The following DCANP1 variants were observed in gnomAD, a reference collection of about 807,000 sequenced individuals.
DCANP1 encodes the protein dendritic cell nuclear protein 1.
For synonymous variants in DCANP1, 139 were observed against 124.2 expected (o/e 1.12, Z -0.79); for missense variants, 328 against 293.7 (o/e 1.12, Z -0.85).
rs1283382524 is a variant in DCANP1, at chr5:135,446,684, G to C, written c.425C>G (p.Thr142Arg). The part of the protein sequence containing the change: ...LVCSFRLYPF[T>R]VHTVSPGNSH... Reference sequence around the variant, plus strand: ...GTTTCCCGGTGAGACTGTGTGAACTGTGAACGGGTAGAGTCTGAAACTACA... The same window carrying C: ...GTTTCCCGGTGAGACTGTGTGAACTCTGAACGGGTAGAGTCTGAAACTACA... The change falls in exon 1 of 1, where the codon ACA becomes AGA. Residue 142 changes from threonine to arginine, a missense_variant. Coordinates refer to ENST00000503143, the MANE Select transcript of DCANP1 (RefSeq NM_130848.3). The C allele has an allele frequency of 1.9e-6, 3 of 1,613,834 alleles. No homozygotes were observed. Among genetic ancestry groups the C allele is most frequent in the Non-Finnish European group, 1.7e-6 (2 of 1,179,812 alleles).
chr5:135,444,634 C>T lies in DCANP1; in HGVS notation c.*1740G>A, dbSNP rs1769222742. ...AGGTCGCAATGCGCTGTCCCCACCA[C>T]ATGGAGCTTGCTTGCCTCCGCACCT... On this transcript the variant is annotated 3_prime_UTR_variant, in exon 1 of 1. Transcript: ENST00000503143. 1 of 152,272 alleles carries T rather than the reference C, an allele frequency of 6.6e-6. No individual in the cohort carries two copies. The highest frequency in any genetic ancestry group is 2.4e-5 in the African/African-American group (1 of 41,454). The allele number at this position is 152,272 out of a possible 1,614,324, so 9.4% of individuals were successfully genotyped here. A position where few individuals can be genotyped will look rare whatever the true frequency, so the allele number is the denominator to read the frequency against.
At position 135,446,370 on chromosome 5, in the gene DCANP1, A is replaced by G. The variant is rs367644701; in HGVS notation, c.*4T>C. ...TACTTGCGTGTGTGCACACGCACAC[A>G]TGTTCACTCAGGCACGTGGGCTGCC... On this transcript the variant is annotated 3_prime_UTR_variant, in exon 1 of 1. Transcript: ENST00000503143. 1.2e-4 allele frequency: 195 copies of G among 1,594,324 alleles called. No homozygotes were observed. Among genetic ancestry groups the G allele is most frequent in the Non-Finnish European group, 1.5e-4 (174 of 1,167,794 alleles).
the DCANP1 span, chr5:135,446,557 C>T: frequency 5.6e-6 from 9 of 1,613,902 alleles, no homozygotes; most frequent in Admixed American, 1.7e-5. Context: ...AAGGTGGGTG[C>T]CATGGATCTG....
Position 135,447,022 on chromosome 5 carries a change from T to C in DCANP1, c.87A>G (p.Gly29=), listed in dbSNP as rs757401477. 12 of 1,613,784 alleles carry C rather than the reference T, an allele frequency of 7.4e-6. No individual in the cohort carries two copies. Among genetic ancestry groups the C allele is most frequent in the Non-Finnish European group, 1.0e-5 (12 of 1,179,862 alleles). The change falls in exon 1 of 1, where the codon GGA becomes GGG. Residue 29 remains glycine (G), a synonymous_variant. Coordinates refer to ENST00000503143, the MANE Select transcript of DCANP1 (RefSeq NM_130848.3). The part of the protein sequence containing the change: ...TVPGHQRLER[G]AGGETPEFPG... Reference sequence around the variant, plus strand: ...GGAACTCTGGGGTTTCCCCACCAGCTCCTCTCTCCAGTCTTTGGTGTCCAG... The same window carrying C: ...GGAACTCTGGGGTTTCCCCACCAGCCCCTCTCTCCAGTCTTTGGTGTCCAG...
Position 135,444,304 on chromosome 5 carries a change from G to A in DCANP1, c.*2070C>T, listed in dbSNP as rs566890933. 15 of 152,318 alleles carry A rather than the reference G, an allele frequency of 9.8e-5. No homozygotes were observed. In the East Asian group the frequency reaches 2.7e-3, roughly 27 times the overall value. The allele number at this position is 152,318 out of a possible 1,614,324, so 9.4% of individuals were successfully genotyped here. A position where few individuals can be genotyped will look rare whatever the true frequency, so the allele number is the denominator to read the frequency against. On this transcript the variant is annotated 3_prime_UTR_variant, in exon 1 of 1. Coordinates refer to ENST00000503143, the MANE Select transcript of DCANP1 (RefSeq NM_130848.3). ...ATCACAGCCCTGCAATTCAAATAGG[G>A]TTCATTAAATTCGGCATCTCCTCTT...
Position 135,445,459 on chromosome 5 carries a change from T to C in DCANP1, c.*915A>G, listed in dbSNP as rs1256332932. ...GGCCTTCTCACCCCAGCTGGCCAAC[T>C]GGCTTCCCACCACTATGGGCCTCGC... On this transcript the variant is annotated 3_prime_UTR_variant, in exon 1 of 1. Transcript: ENST00000503143. The C allele has an allele frequency of 1.3e-5, 2 of 152,594 alleles. No homozygotes were observed. Among genetic ancestry groups the C allele is most frequent in the African/African-American group, 4.8e-5 (2 of 41,452 alleles). 9.5% of individuals were successfully genotyped at this position (152,594 alleles called of 1,614,324 possible).
In DCANP1 at chr5:135,446,022, G is replaced by C; in HGVS notation, c.*352C>G. The C allele has an allele frequency of 4.9e-6, 1 of 202,262 alleles. No individual in the cohort carries two copies. The highest frequency in any genetic ancestry group is 1.1e-4 in the South Asian group (1 of 8,948). 12.5% of individuals were successfully genotyped at this position (202,262 alleles called of 1,614,324 possible). A position where few individuals can be genotyped will look rare whatever the true frequency, so the allele number is the denominator to read the frequency against. On this transcript the variant is annotated 3_prime_UTR_variant, in exon 1 of 1. Coordinates refer to ENST00000503143, the MANE Select transcript of DCANP1 (RefSeq NM_130848.3). ...GCCTGAGTGTAGACTGGGTCCATGT[G>C]CCTACATGCATTCAGTTCCTCCCAC...
chr5:135,447,249 G>A lies in DCANP1; in HGVS notation c.-141C>T. ...TGCCTATTGGACCTTCTGATGCAAGGAGCAGATTAAAATCCCCTCCCTGTT... is the reference window on the plus strand; with the variant it reads ...TGCCTATTGGACCTTCTGATGCAAGAAGCAGATTAAAATCCCCTCCCTGTT... On this transcript the variant is annotated 5_prime_UTR_variant, in exon 1 of 1. Coordinates refer to ENST00000503143, the MANE Select transcript of DCANP1 (RefSeq NM_130848.3). 1 of 1,029,160 alleles carries A rather than the reference G, an allele frequency of 9.7e-7. No individual in the cohort carries two copies. Among genetic ancestry groups the A allele is most frequent in the Non-Finnish European group, 1.4e-6 (1 of 706,180 alleles). The allele number at this position is 1,029,160 out of a possible 1,614,324, so 63.8% of individuals were successfully genotyped here. A position where few individuals can be genotyped will look rare whatever the true frequency, so the allele number is the denominator to read the frequency against.
chr5:135,446,893 C>G lies in DCANP1; in HGVS notation c.216G>C (p.Arg72Ser), dbSNP rs1233979646. Reference protein sequence around the residue: ...GLSEGLYPPGRNKTLPAGVLR... With the variant: ...GLSEGLYPPGSNKTLPAGVLR... The stretch of plus-strand genomic sequence containing the variant: ...GGACCCCAGCTGGCAAGGTTTTGTT[C>G]CTCCCTGGAGGGTAGAGACCCTCAC... Residue 72 changes from arginine to serine, a missense_variant, in exon 1 of 1, where the codon AGG (arginine) becomes AGC (serine). By Grantham distance (110) the Arg-to-Ser change is moderately radical. Transcript: ENST00000503143. 6.2e-7 allele frequency: 1 copy of G among 1,613,560 alleles called. No homozygotes were observed. Among genetic ancestry groups the G allele is most frequent in the Non-Finnish European group, 8.5e-7 (1 of 1,179,668 alleles).
rs2150032336 is a variant in DCANP1, at chr5:135,446,869, G to A, written c.240C>T (p.Val80=). 1 of 1,613,874 alleles carries A rather than the reference G, an allele frequency of 6.2e-7. No individual in the cohort carries two copies. The highest frequency in any genetic ancestry group is 1.3e-5 in the African/African-American group (1 of 75,050). ...GGAATTGAACTGCCCCCTCTCGCAG[G>A]ACCCCAGCTGGCAAGGTTTTGTTCC... is the stretch of plus-strand genomic sequence containing the variant. ...PGRNKTLPAG[V]LREGAVQFLH... Residue 80 remains valine, a synonymous_variant, in exon 1 of 1, where the codon GTC becomes GTT. Coordinates refer to ENST00000503143, the MANE Select transcript of DCANP1 (RefSeq NM_130848.3).
At position 135,446,836 on chromosome 5, in the gene DCANP1, C is replaced by T; in HGVS notation, c.273G>A (p.Arg91=). Residue 91 remains arginine (R), a synonymous_variant, in exon 1 of 1, where the codon AGG becomes AGA. Transcript: ENST00000503143. ...LREGAVQFLH[R]GLCNSNLSSE... is the part of the protein sequence containing the mutation. The stretch of plus-strand genomic sequence containing the variant: ...TCGAAAGATTGGAGTTGCAGAGTCC[C>T]CTGTGGAGGAATTGAACTGCCCCCT... 6.2e-7 allele frequency: 1 copy of T among 1,613,932 alleles called. No individual in the cohort carries two copies. The highest frequency in any genetic ancestry group is 8.5e-7 in the Non-Finnish European group (1 of 1,179,848).
chr5:135,446,030 G>T lies in DCANP1; in HGVS notation c.*344C>A. 4.9e-6 allele frequency: 1 copy of T among 203,210 alleles called. No homozygotes were observed. Among genetic ancestry groups the T allele is most frequent in the South Asian group, 1.1e-4 (1 of 8,864 alleles). 12.6% of individuals were successfully genotyped at this position (203,210 alleles called of 1,614,324 possible). On this transcript the variant is annotated 3_prime_UTR_variant, in exon 1 of 1. Coordinates refer to ENST00000503143, the MANE Select transcript of DCANP1 (RefSeq NM_130848.3). ...GTAGACTGGGTCCATGTGCCTACAT[G>T]CATTCAGTTCCTCCCACCAAACTGG...
Position 135,446,554 on chromosome 5 carries a change from G to T in DCANP1, c.555C>A (p.His185Gln), listed in dbSNP as rs758409770. ...RKSLKSSDPW[H>Q]PPSLSPNSWN... ...AGCTGTTAGGAGAAAGTGAAGGTGG[G>T]TGCCATGGATCTGATGATTTCAGTG... is the stretch of plus-strand genomic sequence containing the variant. Residue 185 changes from histidine (H) to glutamine (Q), a missense_variant, in exon 1 of 1, where the codon CAC becomes CAA. Coordinates refer to ENST00000503143, the MANE Select transcript of DCANP1 (RefSeq NM_130848.3). 3 of 1,613,880 alleles carry T rather than the reference G, an allele frequency of 1.9e-6. No homozygotes were observed. The highest frequency in any genetic ancestry group is 1.7e-5 in the Admixed American group (1 of 60,002).
At position 135,444,714 on chromosome 5, in the gene DCANP1, T is replaced by A. The variant is rs1421439679; in HGVS notation, c.*1660A>T. ...GGGCGGTTGTGGAAAGAATCGGTTC[T>A]CAGTTCCCATTCCAGCTCTGCTATT... On this transcript the variant is annotated 3_prime_UTR_variant, in exon 1 of 1. Transcript: ENST00000503143. 2 of 152,288 alleles carry A rather than the reference T, an allele frequency of 1.3e-5. No individual in the cohort carries two copies. The highest frequency in any genetic ancestry group is 4.8e-5 in the African/African-American group (2 of 41,466). 9.4% of individuals were successfully genotyped at this position (152,288 alleles called of 1,614,324 possible). A position where few individuals can be genotyped will look rare whatever the true frequency, so the allele number is the denominator to read the frequency against.
In DCANP1 at chr5:135,445,358, G is replaced by T. The variant is rs748650155; in HGVS notation, c.*1016C>A. ...AGGGTCTGCGCTGCCCCAGCCAGAG[G>T]GTCTGTGCTGTCCCTGCTGAGGCCT... On this transcript the variant is annotated 3_prime_UTR_variant, in exon 1 of 1. Transcript: ENST00000503143. 5.1e-4 allele frequency: 77 copies of T among 152,426 alleles called. No individual in the cohort carries two copies. Among genetic ancestry groups the T allele is most frequent in the Admixed American group, 2.2e-3 (33 of 15,304 alleles). The allele number at this position is 152,426 out of a possible 1,614,324, so 9.4% of individuals were successfully genotyped here. A position where few individuals can be genotyped will look rare whatever the true frequency, so the allele number is the denominator to read the frequency against.
rs1489018041 is a variant in DCANP1, at chr5:135,446,686, G to C, written c.423C>G (p.Phe141Leu). The C allele has an allele frequency of 6.2e-7, 1 of 1,613,810 alleles. No homozygotes were observed. The highest frequency in any genetic ancestry group is 8.5e-7 in the Non-Finnish European group (1 of 1,179,798). Residue 141 changes from phenylalanine (F) to leucine (L), a missense_variant, in exon 1 of 1, where the codon TTC becomes TTG. Transcript: ENST00000503143. Reference protein sequence around the residue: ...HLVCSFRLYPFTVHTVSPGNS... With the variant: ...HLVCSFRLYPLTVHTVSPGNS... ...TTCCCGGTGAGACTGTGTGAACTGTGAACGGGTAGAGTCTGAAACTACAAA... is the reference window on the plus strand; with the variant it reads ...TTCCCGGTGAGACTGTGTGAACTGTCAACGGGTAGAGTCTGAAACTACAAA...
Position 135,446,315 on chromosome 5 carries a change from G to C in DCANP1, c.*59C>G. On this transcript the variant is annotated 3_prime_UTR_variant, in exon 1 of 1. Coordinates refer to ENST00000503143, the MANE Select transcript of DCANP1 (RefSeq NM_130848.3). ...GCTGGGAGCAGCGTTCATGTGCACT[G>C]TATGTTCGTGTTTAGTGTATGTCTG... 2.6e-6 allele frequency: 4 copies of C among 1,534,518 alleles called. No homozygotes were observed. The South Asian group carries it at 5.2e-5, about 20-fold the overall frequency.
rs142525704 is a variant in DCANP1 at position 135,447,073 on chromosome 5, C to T, written c.36G>A (p.Ser12=). The T allele has an allele frequency of 1.9e-5, 31 of 1,613,910 alleles. No homozygotes were observed. In the East Asian group the frequency reaches 4.2e-4, roughly 22 times the overall value. The change falls in exon 1 of 1, where the codon TCG becomes TCA. Residue 12 remains serine (S), a synonymous_variant. Transcript: ENST00000503143. ...HYGAATHIQN[S]RSHGLETVPG... ...GTACAGTCTCCAGGCCGTGGCTTCT[C>T]GAGTTCTGTATGTGGGTTGCTGCTC... is the stretch of plus-strand genomic sequence containing the variant.
chr5:135,447,314 G>A lies in DCANP1; in HGVS notation c.-206C>T, dbSNP rs1447254706. 3 of 641,390 alleles carry A rather than the reference G, an allele frequency of 4.7e-6. No individual in the cohort carries two copies. Among genetic ancestry groups the A allele is most frequent in the African/African-American group, 1.8e-5 (1 of 54,256 alleles). 39.7% of individuals were successfully genotyped at this position (641,390 alleles called of 1,614,324 possible). A position where few individuals can be genotyped will look rare whatever the true frequency, so the allele number is the denominator to read the frequency against. The stretch of plus-strand genomic sequence containing the variant: ...TGGCTACAACTAAATCCCTAGTTGG[G>A]GAATCACAGAGCACAGGTAAGCCCT... On this transcript the variant is annotated 5_prime_UTR_variant, in exon 1 of 1. Coordinates refer to ENST00000503143, the MANE Select transcript of DCANP1 (RefSeq NM_130848.3).
Sources: allele counts gnomAD v4.1 joint callset, GRCh38; gene constraint gnomAD v4.1.1; transcripts MANE v1.5; gene names NCBI Gene and HGNC (gene_info 2026-07-23, HGNC 2026-07-21).